Variants in AIM2 observed in about 807,000 individuals in gnomAD.
AIM2 encodes interferon-inducible protein AIM2.
In AIM2, 30 loss-of-function variants were observed where a neutral mutation model predicts 27.7. The ratio of observed to expected loss-of-function variants is 1.08; its 90% CI spans 0.81 to 1.47. The LOEUF (loss-of-function observed/expected upper bound fraction) is 1.47, where lower values mean the gene tolerates loss of function less well. AIM2 is among the 40% of genes most tolerant of loss of function. The pLI is 0.00. For missense variants in AIM2, 358 were observed against 411.3 expected, an observed-to-expected ratio of 0.87 and a Z score of 1.12; for synonymous variants, 141 against 145.3, an observed-to-expected ratio of 0.97 and a Z score of 0.21.
chr1:159,075,256 C>T lies in AIM2; in HGVS notation c.-21+1377G>A, dbSNP rs1054982364. The stretch of plus-strand genomic sequence containing the variant: ...AATACACAGGGAATGATATATTCAG[C>T]CTTTCTCTTATATCATACACAAAAT... On this transcript the variant is annotated intron_variant, in intron 1 of 5. Coordinates refer to ENST00000368130, the MANE Select transcript of AIM2 (RefSeq NM_004833.3). Among the ~76,000 whole-genome samples the T allele has an allele frequency of 7.2e-5, 11 of 151,964 alleles. 1 individual carries two copies. In the East Asian group the frequency reaches 2.1e-3, roughly 29 times the overall value.
chr1:159,120,459 GTCAT>G (rs1193127792), intron 1 of AIM2, among the ~76,000 whole-genome samples: 11 of 152,152 alleles, frequency 7.2e-5, no homozygotes, highest in Non-Finnish European at 1.3e-4. Context: ...GACTGCCTGT[GTCAT>G]TATCACAGCT....
At chr1:159,139,493 AT>A (rs1474286554) in intron 1 of AIM2, among the ~76,000 whole-genome samples, 1 of 152,144 alleles carries the variant, frequency 6.6e-6, no homozygotes, top group Non-Finnish European at 1.5e-5. Flanking sequence ...CTTTTCATCC[AT>A]TTTTTACACT....
intron 1 of AIM2, among the ~76,000 whole-genome samples, chr1:159,098,636 C>T (rs765990973): frequency 2.0e-5 from 3 of 152,040 alleles, no homozygotes; most frequent in Non-Finnish European, 4.4e-5. Context: ...CAGAAAAACA[C>T]GGGATGCTGA....
intron 1 of AIM2, among the ~76,000 whole-genome samples, chr1:159,102,468 C>T (rs554093439): frequency 6.6e-5 from 10 of 152,296 alleles, no homozygotes; most frequent in East Asian, 3.9e-4. Flanking sequence ...AGAGGGCCAC[C>T]GTCCTCCAGT....
At chr1:159,067,583 C>T (rs537403274) in intron 3 of AIM2, among the ~76,000 whole-genome samples, 235 of 152,262 alleles carry the variant, frequency 1.5e-3, no homozygotes, top group Non-Finnish European at 2.9e-3. Context: ...TACAGAAGTC[C>T]TTCTCTTTGG....
At chr1:159,065,390 G>A (rs1656039780) in intron 4 of AIM2, among the ~76,000 whole-genome samples, 1 of 152,004 alleles carries the variant, frequency 6.6e-6, no homozygotes. Context: ...CCCCCAGTTT[G>A]CATTTTTGAC....
upstream of AIM2, among the ~76,000 whole-genome samples, chr1:159,144,177 A>C (rs1182224049): frequency 6.6e-6 from 1 of 152,128 alleles, no homozygotes; most frequent in African/African-American, 2.4e-5. Context: ...CCATGAGTTA[A>C]TTCTCAACTC....
At chr1:159,075,039 T>G (rs1189530814) in intron 1 of AIM2, among the ~76,000 whole-genome samples, 3 of 152,214 alleles carry the variant, frequency 2.0e-5, no homozygotes, top group Non-Finnish European at 4.4e-5. Flanking sequence ...CTATCCCTAC[T>G]ACTAGGTATC....
At chr1:159,061,322 C>T (rs925720708), downstream of AIM2, among the ~76,000 whole-genome samples, 7 of 151,956 alleles carry the variant, frequency 4.6e-5, no homozygotes, top group African/African-American at 1.7e-4. Flanking sequence ...CATCTTTTTG[C>T]CCATTTTAAA....
chr1:159,070,814 T>C (rs1221035684), intron 2 of AIM2, among the ~76,000 whole-genome samples: 1 of 152,144 alleles, frequency 6.6e-6, no homozygotes, highest in African/African-American at 2.4e-5. Flanking sequence ...TTCCATGAAA[T>C]TGGTTTCAGA....
downstream of AIM2, among the ~76,000 whole-genome samples, chr1:159,062,148 C>T (rs1001818124): frequency 1.3e-5 from 2 of 152,072 alleles, no homozygotes; most frequent in Non-Finnish European, 2.9e-5. Flanking sequence ...TTTTGGCTCT[C>T]TAGTTTTCCA....
intron 1 of AIM2, among the ~76,000 whole-genome samples, chr1:159,109,132 G>C (rs1297194104): frequency 6.6e-6 from 1 of 152,114 alleles, no homozygotes. Flanking sequence ...AATATTACCT[G>C]ATTTCAAACT....
rs541075795 is a variant in AIM2 at position 159,088,083 on chromosome 1, C to T, written c.-15-21754G>A. Among the ~76,000 whole-genome samples the T allele has an allele frequency of 3.9e-5, 6 of 152,140 alleles. No homozygotes were observed. The East Asian group carries it at 1.2e-3, about 29-fold the overall frequency. On this transcript the variant is annotated intron_variant, in intron 1 of 2. Transcript: ENST00000368129. ...TAATATAACTGGTGATAAGTTGAGT[C>T]TCTAGGTGGAACATCGGGTGGACAG...
chr1:159,146,782 T>C (rs1231596883), intron 1 of AIM2, among the ~76,000 whole-genome samples: 1 of 152,150 alleles, frequency 6.6e-6, no homozygotes, highest in Non-Finnish European at 1.5e-5. Context: ...GGCCTCTAAA[T>C]TCCGCTGTCG....
At chr1:159,092,282 A>C (rs573224498) in intron 1 of AIM2, among the ~76,000 whole-genome samples, 2 of 152,350 alleles carry the variant, frequency 1.3e-5, no homozygotes, top group South Asian at 4.1e-4. Flanking sequence ...GAAAACAATT[A>C]AGTTACTACA....
intron 1 of AIM2, among the ~76,000 whole-genome samples, chr1:159,115,293 A>C (rs1647303147): frequency 6.6e-6 from 1 of 152,218 alleles, no homozygotes; most frequent in Non-Finnish European, 1.5e-5. Flanking sequence ...CATCCCCATC[A>C]AGCTATCAGT....
intron 1 of AIM2, among the ~76,000 whole-genome samples, chr1:159,085,180 T>C (rs1216739968): frequency 6.6e-6 from 1 of 151,960 alleles, no homozygotes; most frequent in Non-Finnish European, 1.5e-5. Context: ...GACTTCTAAA[T>C]CAAGCCTCCC....
chr1:159,073,350 G>C lies in AIM2; in HGVS notation c.150C>G (p.Thr50=), dbSNP rs1323233117. The C allele has an allele frequency of 3.7e-6, 6 of 1,614,164 alleles. No homozygotes were observed. Among genetic ancestry groups the C allele is most frequent in the Non-Finnish European group, 5.1e-6 (6 of 1,180,032 alleles). Residue 50 remains threonine, a synonymous_variant, in exon 2 of 6, where the codon ACC becomes ACG. Coordinates refer to ENST00000368130, the MANE Select transcript of AIM2 (RefSeq NM_004833.3). The stretch of plus-strand genomic sequence containing the variant: ...CCGCCCCAGCATTTTGAATCATCAA[G>C]GTAGCTACTTGTATTCTGTTTGCAG... ...LHTANRIQVA[T]LMIQNAGAVS...
At chr1:159,102,644 T>G (rs1437156060) in intron 1 of AIM2, among the ~76,000 whole-genome samples, 2 of 152,254 alleles carry the variant, frequency 1.3e-5, no homozygotes, top group East Asian at 3.8e-4. Flanking sequence ...CAGTGTGCCC[T>G]GGATATGAGA....
Sources: gnomAD v4.1 joint callset for allele counts (sites outside exome capture counted in the v4.1 genomes callset) on GRCh38, gnomAD v4.1.1 for gene constraint, MANE v1.5 for transcripts, NCBI Gene and HGNC (gene_info 2026-07-23, HGNC 2026-07-21) for gene names.